PHF14: variants seen among roughly 807,000 people sequenced by gnomAD.
PHF14 encodes the protein PHD finger protein 14.
In PHF14, 55 loss-of-function variants were observed where a neutral mutation model predicts 117.9. The observed-to-expected ratio is 0.47, with a 90% CI of 0.38 to 0.58. The LOEUF is 0.58. Ranked by LOEUF, PHF14 falls within the 20% of genes least tolerant of loss-of-function variation. The pLI is 0.00. For missense variants in PHF14, 978 were observed against 1,122.2 expected, an observed-to-expected ratio of 0.87 and a Z score of 1.84; for synonymous variants, 409 against 368.6, an observed-to-expected ratio of 1.11 and a Z score of -1.26.
chr7:11,157,934 T>C (rs768162362), intron 17 of PHF14, among the ~76,000 whole-genome samples: 2 of 152,184 alleles, frequency 1.3e-5, no homozygotes, highest in Non-Finnish European at 2.9e-5. Context: ...AAAAATTAGA[T>C]GTTTGTCTGG....
intron 17 of PHF14, among the ~76,000 whole-genome samples, chr7:11,134,139 T>C (rs1788156419): frequency 6.6e-6 from 1 of 152,000 alleles, no homozygotes; most frequent in South Asian, 2.1e-4. Flanking sequence ...AAAGATTTTT[T>C]TGGGCAGCGT....
intron 14 of PHF14, among the ~76,000 whole-genome samples, chr7:11,053,717 C>A (rs1784922182): frequency 3.9e-5 from 6 of 152,086 alleles, no homozygotes; most frequent in Admixed American, 3.3e-4. Context: ...AATTTTTGTG[C>A]CCACAGTTCA....
At chr7:10,981,497 G>A (rs1466818558) in intron 2 of PHF14, among the ~76,000 whole-genome samples, 1 of 152,200 alleles carries the variant, frequency 6.6e-6, no homozygotes, top group Non-Finnish European at 1.5e-5. Context: ...GAGGGACTGG[G>A]CTGCCCTAGG....
chr7:10,985,096 A>ATGT (rs1782169567), intron 3 of PHF14, among the ~76,000 whole-genome samples: 1 of 152,150 alleles, frequency 6.6e-6, no homozygotes, highest in African/African-American at 2.4e-5. Context: ...CAAATTAGAT[A>ATGT]ATTACATTTT....
Position 11,102,630 on chromosome 7 carries a change from T to C in PHF14, c.2655-8720T>C. 4 of 1,523,904 alleles carry C rather than the reference T, an allele frequency of 2.6e-6. No homozygotes were observed. In the South Asian group the frequency reaches 5.0e-5, roughly 19 times the overall value. 94.4% of individuals were successfully genotyped at this position (1,523,904 alleles called of 1,614,324 possible). On this transcript the variant is annotated intron_variant, in intron 16 of 17. Coordinates refer to ENST00000634607, the MANE Select transcript of PHF14 (RefSeq NM_001007157.2). Reference sequence around the variant, plus strand: ...AGGAGAACAGCTATATTGTCCTTTCTATAAGCTTGTCACTGCAAAAAGTTG... The same window carrying C: ...AGGAGAACAGCTATATTGTCCTTTCCATAAGCTTGTCACTGCAAAAAGTTG...
intron 16 of PHF14, among the ~76,000 whole-genome samples, chr7:11,083,266 GTGTT>G (rs1391127129): frequency 6.6e-6 from 1 of 152,074 alleles, no homozygotes; most frequent in African/African-American, 2.4e-5. Context: ...CTTTGTCTGA[GTGTT>G]TGTTTTCCTT....
At chr7:10,977,332 T>G (rs1193584215) in intron 2 of PHF14, among the ~76,000 whole-genome samples, 1 of 152,130 alleles carries the variant, frequency 6.6e-6, no homozygotes, top group Non-Finnish European at 1.5e-5. Flanking sequence ...CCTTAGAACT[T>G]AATATTAAAG....
At chr7:11,137,045 T>C (rs1030041536) in intron 17 of PHF14, among the ~76,000 whole-genome samples, 1 of 152,188 alleles carries the variant, frequency 6.6e-6, no homozygotes, top group Non-Finnish European at 1.5e-5. Flanking sequence ...TTGGTTCTTA[T>C]GGGGGCAAAA....
In PHF14 at chr7:10,974,179, C is replaced by T; in HGVS notation, c.-145C>T. 4.3e-6 allele frequency: 3 copies of T among 703,786 alleles called. No homozygotes were observed. The highest frequency in any genetic ancestry group is 2.8e-5 in the East Asian group (1 of 35,850). The allele number at this position is 703,786 out of a possible 1,614,324, so 43.6% of individuals were successfully genotyped here. A position where few individuals can be genotyped will look rare whatever the true frequency, so the allele number is the denominator to read the frequency against. On this transcript the variant is annotated 5_prime_UTR_variant, in exon 1 of 18. Transcript: ENST00000634607. ...GGGACCGCGGGGCTACTCTTGGGAG[C>T]GCCCCTGTCCGGCTGGCTGCGCGCC...
At chr7:11,103,487 T>G in intron 16 of PHF14, 1 of 984,586 alleles carries the variant, frequency 1.0e-6, no homozygotes, top group Non-Finnish European at 1.2e-6. Flanking sequence ...TCTTCAAGCT[T>G]TAATGATCCA....
intron 4 of PHF14, among the ~76,000 whole-genome samples, chr7:10,994,160 C>T (rs1255371001): frequency 2.0e-5 from 3 of 151,552 alleles, no homozygotes; most frequent in Non-Finnish European, 4.4e-5. Flanking sequence ...AGATCTCAGC[C>T]AAGCACAATG....
intron 17 of PHF14, among the ~76,000 whole-genome samples, chr7:11,166,223 C>T (rs1442637258): frequency 2.0e-5 from 3 of 151,958 alleles, no homozygotes; most frequent in Non-Finnish European, 4.4e-5. Context: ...CAGAACACTT[C>T]ATGAAACAAA....
At chr7:11,073,823 T>C (rs529062190) in intron 16 of PHF14, among the ~76,000 whole-genome samples, 8 of 152,332 alleles carry the variant, frequency 5.3e-5, no homozygotes, top group Admixed American at 3.9e-4. Flanking sequence ...TCTCGCATTC[T>C]GTGCACCTGG....
At chr7:11,092,677 G>A (rs1583458618) in intron 16 of PHF14, among the ~76,000 whole-genome samples, 1 of 152,218 alleles carries the variant, frequency 6.6e-6, no homozygotes, top group South Asian at 2.1e-4. Flanking sequence ...TAAACCCAGT[G>A]AATTGCCTTT....
intron 3 of PHF14, among the ~76,000 whole-genome samples, chr7:10,987,956 C>A (rs1168743302): frequency 7.2e-6 from 1 of 139,490 alleles, no homozygotes; most frequent in Admixed American, 7.9e-5. Flanking sequence ...GTGGAGGTTG[C>A]GGTGAGCCGA....
chr7:11,079,913 A>C (rs565284648), intron 16 of PHF14, among the ~76,000 whole-genome samples: 16 of 152,236 alleles, frequency 1.1e-4, no homozygotes, highest in African/African-American at 3.9e-4. Flanking sequence ...GAAATTACCA[A>C]TTGCATGTAA....
chr7:11,145,724 A>T (rs1335976554), intron 17 of PHF14, among the ~76,000 whole-genome samples: 1 of 152,140 alleles, frequency 6.6e-6, no homozygotes, highest in East Asian at 1.9e-4. Context: ...TATACTAATG[A>T]GCATAAAAAG....
At chr7:11,101,661 C>T (rs1787099052) in intron 16 of PHF14, among the ~76,000 whole-genome samples, 1 of 151,780 alleles carries the variant, frequency 6.6e-6, no homozygotes, top group Non-Finnish European at 1.5e-5. Context: ...CTCAGTAACG[C>T]TTTATTTGTC....
chr7:11,015,413 A>G (rs562270070), intron 5 of PHF14, among the ~76,000 whole-genome samples: 6 of 152,310 alleles, frequency 3.9e-5, no homozygotes, highest in Admixed American at 6.5e-5. Context: ...AAAATAAAAT[A>G]TATAACAAAT....
Sources: allele counts gnomAD v4.1 joint callset (sites outside exome capture counted in the v4.1 genomes callset), GRCh38; gene constraint gnomAD v4.1.1; transcripts MANE v1.5; gene names NCBI Gene and HGNC (gene_info 2026-07-23, HGNC 2026-07-21).